Variants in PLEKHA6 observed in about 807,000 individuals in gnomAD.
The protein encoded by PLEKHA6 is pleckstrin homology domain containing A6.
PLEKHA6 carries 60 observed loss-of-function variants against 116.7 expected under a neutral mutation model. The ratio of observed to expected loss-of-function variants is 0.51; its 90% CI spans 0.42 to 0.64. PLEKHA6 has a LOEUF of 0.64. PLEKHA6 is among the 30% of genes least tolerant of loss of function. The probability of loss-of-function intolerance (pLI) is 0.00; values close to 1 mark genes in which losing one functional copy is unlikely to be tolerated. For synonymous variants in PLEKHA6, 489 were observed against 556.1 expected, an observed-to-expected ratio of 0.88 and a Z score of 1.70; for missense variants, 1,338 against 1,422.7, an observed-to-expected ratio of 0.94 and a Z score of 0.96.
intron 1 of PLEKHA6, among the ~76,000 whole-genome samples, chr1:204,310,683 A>G (rs527811869): frequency 5.3e-5 from 8 of 152,346 alleles, no homozygotes; most frequent in Non-Finnish European, 1.0e-4. Context: ...AATGCCTTAT[A>G]CGTAGTAGAG....
intron 1 of PLEKHA6, among the ~76,000 whole-genome samples, chr1:204,331,410 C>A (rs959950979): frequency 6.6e-6 from 1 of 152,068 alleles, no homozygotes; most frequent in African/African-American, 2.4e-5. Context: ...AGCCCAGCGA[C>A]CCATGCTACA....
chr1:204,332,151 G>C (rs572688717), intron 1 of PLEKHA6, among the ~76,000 whole-genome samples: 2 of 152,142 alleles, frequency 1.3e-5, no homozygotes, highest in Non-Finnish European at 2.9e-5. Context: ...ACCCTTTGCC[G>C]GCATGTTGCT....
rs1269010664 is a variant in PLEKHA6 at position 204,315,448 on chromosome 1, C to T, written c.-94-40639G>A. On this transcript the variant is annotated intron_variant, in intron 1 of 22. Transcript: ENST00000272203. ...CCCCGAAAGGCCTTAGGCATTCCTG[C>T]TCTGGCAGCGTCATTCCCCTTCCCT... Among the ~76,000 whole-genome samples the T allele has an allele frequency of 4.6e-5, 7 of 152,204 alleles. No individual in the cohort carries two copies. In the East Asian group the frequency reaches 1.3e-3, roughly 29 times the overall value.
At position 204,286,268 on chromosome 1, in the gene PLEKHA6, C is replaced by T. The variant is rs549317326; in HGVS notation, c.-94-11459G>A. 2.0e-4 allele frequency among the ~76,000 whole-genome samples: 30 copies of T among 152,172 alleles called. 1 individual carries two copies. The South Asian group carries it at 6.2e-3, about 32-fold the overall frequency. ...AGCCTAGAGAACCTGCTGGCTATAG[C>T]CCAGATAAGGAAAAGAGAGGGCCTG... On this transcript the variant is annotated intron_variant, in intron 1 of 22. Coordinates refer to ENST00000272203, the MANE Select transcript of PLEKHA6 (RefSeq NM_014935.5).
At chr1:204,329,220 A>T (rs4077532) in intron 1 of PLEKHA6, among the ~76,000 whole-genome samples, 66,489 of 151,842 alleles carry the variant, frequency 0.44, 14,871 homozygotes, top group Middle Eastern at 0.51. Context: ...TCAGGCTCTG[A>T]CTCCCTCCAT....
intron 12 of PLEKHA6, among the ~76,000 whole-genome samples, 169 bp from the exon 13 acceptor site, chr1:204,247,629 A>G (rs1321170149): frequency 1.3e-5 from 2 of 152,154 alleles, no homozygotes; most frequent in Non-Finnish European, 2.9e-5. Flanking sequence ...GGTGACAGCC[A>G]AACACTAGCC....
chr1:204,282,922 C>T, intron 1 of PLEKHA6: 1 of 417,416 alleles, frequency 2.4e-6, no homozygotes, highest in Non-Finnish European at 3.2e-6. Flanking sequence ...GCCCCAGCCC[C>T]CTCGCCTCCA....
At chr1:204,352,242 C>T (rs780618901) in intron 1 of PLEKHA6, among the ~76,000 whole-genome samples, 1 of 149,586 alleles carries the variant, frequency 6.7e-6, no homozygotes, top group African/African-American at 2.5e-5. Flanking sequence ...GGCATGGTGG[C>T]GCATGCCTTG....
chr1:204,353,540 A>G (rs555837282), intron 1 of PLEKHA6, among the ~76,000 whole-genome samples: 1 of 152,230 alleles, frequency 6.6e-6, no homozygotes, highest in Non-Finnish European at 1.5e-5. Flanking sequence ...TCAGAGTCCA[A>G]GAAGCAGTGG....
intron 17 of PLEKHA6, among the ~76,000 whole-genome samples, chr1:204,232,246 C>T (rs990898260): frequency 6.6e-6 from 1 of 152,146 alleles, no homozygotes; most frequent in African/African-American, 2.4e-5. Context: ...TCTCTTTGTA[C>T]TTACAGGAAA....
At position 204,228,681 on chromosome 1, in the gene PLEKHA6, G is replaced by C. The variant is rs773922042; in HGVS notation, c.2885+47C>G. The C allele has an allele frequency of 5.0e-6, 8 of 1,598,736 alleles. No homozygotes were observed. The highest frequency in any genetic ancestry group is 6.0e-6 in the Non-Finnish European group (7 of 1,166,524). On this transcript the variant is annotated intron_variant, in intron 20 of 22. Transcript: ENST00000272203. This position sits in a 1 kb window ranked among gnomAD's most constrained non-coding sequence, Gnocchi z 4.0. The stretch of plus-strand genomic sequence containing the variant: ...GACTTCTAGTGGCCCAGGTGTCCTA[G>C]GTGCCAGGGTGAGCAGAGGAAGTAG...
intron 15 of PLEKHA6, among the ~76,000 whole-genome samples, chr1:204,242,780 G>T (rs1006762656): frequency 3.9e-5 from 6 of 152,204 alleles, no homozygotes; most frequent in Non-Finnish European, 7.3e-5. Flanking sequence ...ACTGCTGAGA[G>T]TATCACTCAG....
intron 6 of PLEKHA6, among the ~76,000 whole-genome samples, chr1:204,262,870 G>A (rs1328376122): frequency 2.0e-5 from 3 of 152,104 alleles, no homozygotes; most frequent in African/African-American, 2.4e-5. Context: ...TGAGACTTGC[G>A]ACGGATAGGG....
In PLEKHA6 at chr1:204,223,188, C is replaced by CAG. The variant is rs1229596510; in HGVS notation, c.*8+273_*8+274insCT. 6.6e-6 allele frequency among the ~76,000 whole-genome samples: 1 copy of CAG among 151,958 alleles called. No individual in the cohort carries two copies. Among genetic ancestry groups the CAG allele is most frequent in the African/African-American group, 2.4e-5 (1 of 41,350 alleles). Reference sequence around the variant, plus strand: ...CCCTGAGAGCAGACAGGTGAGGTCTCGGCTCCATTCCCTGCCTGCTTCTGG... The same window carrying CAG: ...CCCTGAGAGCAGACAGGTGAGGTCTCAGGGCTCCATTCCCTGCCTGCTTCTGG... On this transcript the variant is annotated intron_variant, in intron 22 of 22. Transcript: ENST00000272203. The surrounding 1 kb of genome is among the most constrained non-coding windows in gnomAD (Gnocchi z 4.8).
At chr1:204,346,440 C>T (rs1673054067) in intron 1 of PLEKHA6, among the ~76,000 whole-genome samples, 1 of 151,952 alleles carries the variant, frequency 6.6e-6, no homozygotes, top group South Asian at 2.1e-4. Context: ...CAGCTCTGAG[C>T]CACCACAAAT....
At chr1:204,265,223 G>A (rs1666652916) in intron 5 of PLEKHA6, among the ~76,000 whole-genome samples, 181 bp from the exon 6 acceptor site, 2 of 152,252 alleles carry the variant, frequency 1.3e-5, no homozygotes, top group African/African-American at 4.8e-5. Context: ...ACTCCCTGGA[G>A]TTAGGGAGTG....
chr1:204,353,717 T>C (rs1349559947), intron 1 of PLEKHA6, among the ~76,000 whole-genome samples: 7 of 152,242 alleles, frequency 4.6e-5, no homozygotes, highest in South Asian at 2.1e-4. Context: ...ATTTTAGAGA[T>C]GAGGATACTG....
chr1:204,298,083 ATG>A (rs1157604187), intron 1 of PLEKHA6: 1 of 161,958 alleles, frequency 6.2e-6, no homozygotes, highest in Non-Finnish European at 1.3e-5. Flanking sequence ...GTAGTCAGAC[ATG>A]TGTCTCTTCT....
rs139075643 is a variant in PLEKHA6, at chr1:204,338,136, C to T, written c.-95+21558G>A. On this transcript the variant is annotated intron_variant, in intron 1 of 22. Transcript: ENST00000272203. ...GACCTAGATTTGAATTATGGCTCCA[C>T]GACTTTCTAACTAGGTGACCCAACT... 2.1e-3 allele frequency among the ~76,000 whole-genome samples: 321 copies of T among 152,284 alleles called. 1 individual carries two copies. Among genetic ancestry groups the T allele is most frequent in the African/African-American group, 7.4e-3 (309 of 41,550 alleles).
Sources: allele counts gnomAD v4.1 joint callset (sites outside exome capture counted in the v4.1 genomes callset), GRCh38; gene constraint gnomAD v4.1.1; non-coding constraint Gnocchi (gnomAD v3.1); transcripts MANE v1.5; gene names NCBI Gene and HGNC (gene_info 2026-07-23, HGNC 2026-07-21).